BBS1: variants seen among roughly 807,000 people sequenced by gnomAD.
BBS1 encodes BBSome complex member BBS1.
In BBS1, 60 loss-of-function variants were observed where a neutral mutation model predicts 73.9. The ratio of observed to expected loss-of-function variants is 0.81; its 90% CI spans 0.66 to 1.01. The LOEUF (loss-of-function observed/expected upper bound fraction) is 1.01. Among genes scored for constraint, BBS1 ranks in the 50% least tolerant of loss-of-function variants. BBS1 has a pLI of 0.00. For synonymous variants in BBS1, 283 were observed against 317.4 expected, an observed-to-expected ratio of 0.89 and a Z score of 1.15; for missense variants, 718 against 770.3, an observed-to-expected ratio of 0.93 and a Z score of 0.80.
intron 1 of BBS1, 53 bp from the exon 2 acceptor site, chr11:66,510,960 T>G: frequency 1.3e-6 from 2 of 1,596,764 alleles, no homozygotes; most frequent in East Asian, 2.2e-5. Context: ...CTCAAAGTTT[T>G]TTTTTCCCCT....
chr11:66,518,445 A>G (rs1856102821), intron 7 of BBS1, among the ~76,000 whole-genome samples: 1 of 143,802 alleles, frequency 7.0e-6, no homozygotes, highest in South Asian at 2.2e-4. Flanking sequence ...TTCTGTACAG[A>G]TGAGGTTTCT....
intron 3 of BBS1, among the ~76,000 whole-genome samples, chr11:66,511,756 T>C (rs142113956): frequency 0.017 from 2,546 of 152,082 alleles, 84 homozygotes; most frequent in African/African-American, 0.059. Context: ...CCCAGCACTT[T>C]GGGAGGCTGA....
intron 9 of BBS1, among the ~76,000 whole-genome samples, chr11:66,521,986 C>T (rs968049921): frequency 6.8e-6 from 1 of 147,100 alleles, no homozygotes; most frequent in Non-Finnish European, 1.5e-5. Context: ...TGGAGGCCAA[C>T]GTGGGTGGAT....
intron 3 of BBS1, among the ~76,000 whole-genome samples, chr11:66,512,970 T>C (rs142330631): frequency 0.011 from 1,642 of 148,884 alleles, 27 homozygotes; most frequent in African/African-American, 0.039. Context: ...AGACTCCATC[T>C]CAAAAAAAAA....
chr11:66,529,289 G>A (rs1419771478), intron 13 of BBS1: 2 of 1,535,148 alleles, frequency 1.3e-6, no homozygotes, highest in South Asian at 2.4e-5. Context: ...TGATGGACAG[G>A]GAGGCAGTGA....
In BBS1 at chr11:66,529,739, C is replaced by T. The variant is rs533256148; in HGVS notation, c.1340-80C>T. The T allele has an allele frequency of 1.5e-4, 239 of 1,564,446 alleles. No individual in the cohort carries two copies. The African/African-American group carries it at 2.7e-3, about 18-fold the overall frequency. On this transcript the variant is annotated intron_variant, in intron 13 of 16. Transcript: ENST00000318312. ...CCTCTTGCACCCTCCCCACACCAAC[C>T]TGAGCAGGAGTGCCCCGTTGCTGCC...
At chr11:66,526,553 G>C (rs1856502313) in intron 12 of BBS1, 96 bp from the exon 13 acceptor site, 1 of 1,516,482 alleles carries the variant, frequency 6.6e-7, no homozygotes, top group East Asian at 2.3e-5. Context: ...GTGTACAGAA[G>C]CAACTCTATA....
Position 66,526,152 on chromosome 11 carries a change from G to A in BBS1, c.1140G>A (p.Arg380=), listed in dbSNP as rs959671412. ...CAGTGACCAGCCTTTGCTTTGGCCG[G>A]TACGGGCGGGAGGACAACACCCTCA... ...PDAVTSLCFG[R]YGREDNTLIM... is the part of the protein sequence containing the mutation. The change falls in exon 12 of 17, where the codon CGG becomes CGA. Residue 380 remains arginine (R), a synonymous_variant. Transcript: ENST00000318312. 1 of 1,614,086 alleles carries A rather than the reference G, an allele frequency of 6.2e-7. No individual in the cohort carries two copies. Among genetic ancestry groups the A allele is most frequent in the African/African-American group, 1.3e-5 (1 of 74,924 alleles).
intron 11 of BBS1, chr11:66,524,419 T>C: frequency 5.0e-6 from 1 of 199,262 alleles, no homozygotes; most frequent in South Asian, 8.6e-5. Flanking sequence ...CATAGCAAAT[T>C]TAAAAGGGCC....
intron 6 of BBS1, 65 bp downstream of exon 6, chr11:66,515,796 T>C (rs1856037594): frequency 6.2e-7 from 1 of 1,613,862 alleles, no homozygotes; most frequent in African/African-American, 1.3e-5. Context: ...CGCCAGAATG[T>C]GCCAGAATGA....
intron 9 of BBS1, among the ~76,000 whole-genome samples, chr11:66,521,972 A>G (rs1021981986): frequency 1.4e-4 from 21 of 149,172 alleles, no homozygotes; most frequent in Admixed American, 6.7e-5. Context: ...TAATCCCAGC[A>G]CTTTGGAGGC....
At chr11:66,514,773 G>A in intron 4 of BBS1, 95 bp downstream of exon 4, 1 of 1,464,508 alleles carries the variant, frequency 6.8e-7, no homozygotes, top group Admixed American at 1.7e-5. Flanking sequence ...TGGGCTGGTG[G>A]CAGGAGGTCA....
chr11:66,515,549 G>T lies in BBS1; in HGVS notation c.442G>T (p.Asp148Tyr). ...TCCCACATTGTCACAGGACCGAATC[G>T]ACCCCTTAACCCTGAAGGAGATGCT... ...LWNQAKEDRI[D>Y]PLTLKEMLES... is the part of the protein sequence containing the mutation. Residue 148 changes from aspartate (D) to tyrosine (Y), a missense_variant, in exon 5 of 17, where the codon GAC becomes TAC. Coordinates refer to ENST00000318312, the MANE Select transcript of BBS1 (RefSeq NM_024649.5). 6.2e-7 allele frequency: 1 copy of T among 1,614,082 alleles called. No homozygotes were observed. Among genetic ancestry groups the T allele is most frequent in the Non-Finnish European group, 8.5e-7 (1 of 1,180,014 alleles).
intron 16 of BBS1, 22 bp downstream of exon 16, chr11:66,531,764 C>T (rs771999309): frequency 1.3e-5 from 21 of 1,613,416 alleles, no homozygotes; most frequent in Non-Finnish European, 1.8e-5. Context: ...ACTTGTACCA[C>T]GTGGAAGGTG....
chr11:66,523,627 C>T, intron 10 of BBS1, 51 bp downstream of exon 10: 1 of 1,613,108 alleles, frequency 6.2e-7, no homozygotes, highest in African/African-American at 1.3e-5. Flanking sequence ...CCCTAGCCCC[C>T]ACTTGGCAAG....
At chr11:66,516,079 C>A in intron 7 of BBS1, 146 bp downstream of exon 7, 118 of 557,078 alleles carry the variant, frequency 2.1e-4, no homozygotes, top group Middle Eastern at 9.6e-4. Context: ...TGTGTGTAGT[C>A]ATAAAGCTGC....
At chr11:66,523,373 C>G in intron 9 of BBS1, 83 bp from the exon 10 acceptor site, 1 of 1,596,454 alleles carries the variant, frequency 6.3e-7, no homozygotes, top group Non-Finnish European at 8.6e-7. Flanking sequence ...CAGGTGAGTC[C>G]ATGAGGTTTA....
Position 66,529,808 on chromosome 11 carries a change from C to G in BBS1, c.1340-11C>G. On this transcript the variant is annotated splice_polypyrimidine_tract_variant and intron_variant, in intron 13 of 16. Coordinates refer to ENST00000318312, the MANE Select transcript of BBS1 (RefSeq NM_024649.5). The stretch of plus-strand genomic sequence containing the variant: ...ACCTCCACCGTCAGCCTCTGGGACC[C>G]TTCTCCACAGCCATGCACCGGGCCT... The G allele has an allele frequency of 6.2e-7, 1 of 1,610,636 alleles. No homozygotes were observed. The highest frequency in any genetic ancestry group is 2.2e-5 in the East Asian group (1 of 44,870).
At chr11:66,513,448 A>G (rs1319650724) in intron 3 of BBS1, among the ~76,000 whole-genome samples, 1 of 152,154 alleles carries the variant, frequency 6.6e-6, no homozygotes, top group Admixed American at 6.6e-5. Flanking sequence ...TAGCTGTATG[A>G]CTTTTACTTA....
Sources: gnomAD v4.1 joint callset for allele counts (sites outside exome capture counted in the v4.1 genomes callset) on GRCh38, gnomAD v4.1.1 for gene constraint, MANE v1.5 for transcripts, NCBI Gene and HGNC (gene_info 2026-07-23, HGNC 2026-07-21) for gene names.